Variants in COL28A1 observed in about 807,000 individuals in gnomAD.
COL28A1 encodes collagen type XXVIII alpha 1 chain, also known as collagen alpha-1(XXVIII) chain.
Under a neutral mutation model 150.2 loss-of-function variants are expected in COL28A1, and 161 were observed. That is an observed-to-expected ratio of 1.07 (90% CI 0.94 to 1.22). COL28A1 has a LOEUF of 1.22. Among genes scored for constraint, COL28A1 ranks in the 50% most tolerant of loss-of-function variants. COL28A1 has a pLI of 0.00. For synonymous variants in COL28A1, 552 were observed against 469.7 expected (o/e 1.18, Z -2.26); for missense variants, 1,617 against 1,388.3 (o/e 1.16, Z -2.62).
At chr7:7,542,253 C>T in the COL28A1 span, among the ~76,000 whole-genome samples, 5 of 152,170 alleles carry the variant, frequency 3.3e-5, no homozygotes, top group Non-Finnish European at 7.3e-5. Flanking sequence ...GAGGCTGAGG[C>T]AGGAGAATTG....
At chr7:7,346,033 T>C in the COL28A1 span, among the ~76,000 whole-genome samples, 6 of 152,048 alleles carry the variant, frequency 3.9e-5, no homozygotes, top group African/African-American at 7.2e-5. Context: ...CCTCATTTCA[T>C]GTGATCCTGA....
chr7:7,506,013 C>T lies in COL28A1; in HGVS notation c.1026+1G>A, dbSNP rs201507370. On this transcript the variant is annotated splice_donor_variant, in intron 11 of 34. Coordinates refer to ENST00000399429, the MANE Select transcript of COL28A1 (RefSeq NM_001037763.3). LOFTEE classifies it high-confidence loss of function. ...TGTCTTTAATCAAAGGGTAAGATTA[C>T]CTTATTGCCTTGAAACCCCTTTGGG... is the stretch of plus-strand genomic sequence containing the variant. 1 of 1,321,372 alleles carries T rather than the reference C, an allele frequency of 7.6e-7. No individual in the cohort carries two copies. The highest frequency in any genetic ancestry group is 1.1e-6 in the Non-Finnish European group (1 of 912,498). 81.9% of individuals were successfully genotyped at this position (1,321,372 alleles called of 1,614,324 possible). A position where few individuals can be genotyped will look rare whatever the true frequency, so the allele number is the denominator to read the frequency against.
chr7:7,482,450 G>A (rs1381503903), intron 13 of COL28A1, among the ~76,000 whole-genome samples: 2 of 151,738 alleles, frequency 1.3e-5, no homozygotes, highest in Non-Finnish European at 2.9e-5. Context: ...GCTTGAAGCC[G>A]GGAGGTGGAG....
chr7:7,443,486 T>C (rs946619464), intron 20 of COL28A1, 99 bp downstream of exon 20: 34 of 1,545,164 alleles, frequency 2.2e-5, no homozygotes, highest in African/African-American at 2.7e-5. Context: ...CATAAACACA[T>C]TGACATAGTA....
intron 25 of COL28A1, among the ~76,000 whole-genome samples, chr7:7,422,076 A>G (rs1784410873): frequency 1.3e-5 from 2 of 152,182 alleles, no homozygotes; most frequent in Admixed American, 6.5e-5. Flanking sequence ...CACTGCCTGA[A>G]GTTCTCCAAC....
At chr7:7,416,672 T>G (rs2128306608) in intron 27 of COL28A1, among the ~76,000 whole-genome samples, 1 of 152,352 alleles carries the variant, frequency 6.6e-6, no homozygotes, top group African/African-American at 2.4e-5. Context: ...ATTTGGCCTT[T>G]GCTTAGATAC....
the COL28A1 span, among the ~76,000 whole-genome samples, chr7:7,339,096 A>AC: frequency 6.6e-6 from 1 of 152,156 alleles, no homozygotes; most frequent in East Asian, 1.9e-4. Flanking sequence ...TGACAGAAAC[A>AC]ACCAACTCAT....
intron 11 of COL28A1, among the ~76,000 whole-genome samples, chr7:7,494,137 A>G (rs1309159104): frequency 6.6e-6 from 1 of 152,214 alleles, no homozygotes; most frequent in African/African-American, 2.4e-5. Flanking sequence ...CACCCATACT[A>G]TGGGCTTCAA....
rs1392327818 is a variant in COL28A1, at chr7:7,436,323, C to G, written c.1860+72G>C. The stretch of plus-strand genomic sequence containing the variant: ...GTAGAAACCTCACAAGTAGAAAAAT[C>G]AACTTATGCATTAAATCTACCTTCA... On this transcript the variant is annotated intron_variant, in intron 23 of 34. Coordinates refer to ENST00000399429, the MANE Select transcript of COL28A1 (RefSeq NM_001037763.3). 4 of 852,320 alleles carry G rather than the reference C, an allele frequency of 4.7e-6. No homozygotes were observed. The African/African-American group carries it at 6.7e-5, about 14-fold the overall frequency. 52.8% of individuals were successfully genotyped at this position (852,320 alleles called of 1,614,324 possible).
intron 11 of COL28A1, among the ~76,000 whole-genome samples, chr7:7,496,544 A>G (rs1010969598): frequency 6.7e-6 from 1 of 149,604 alleles, no homozygotes; most frequent in African/African-American, 2.4e-5. Flanking sequence ...ACCCAGACAC[A>G]ATTAATCTTT....
In COL28A1 at chr7:7,489,415, T is replaced by C; in HGVS notation, c.1138A>G (p.Ile380Val). The change falls in exon 13 of 35, where the codon ATT (isoleucine) becomes GTT (valine). Residue 380 changes from isoleucine (I) to valine (V), a missense_variant. By Grantham distance (29) the Ile-to-Val change is conservative. Transcript: ENST00000399429. ...GGCTGTCCAGGCTCACCAACTCCAA[T>C]GGGTCCTGGAGCTCCCGGTCTTCCT... ...QEGRPGAPGP[I>V]GVGEPGQPGP... The C allele has an allele frequency of 6.8e-7, 1 of 1,464,018 alleles. No homozygotes were observed. Among genetic ancestry groups the C allele is most frequent in the Non-Finnish European group, 9.6e-7 (1 of 1,042,782 alleles). 90.7% of individuals were successfully genotyped at this position (1,464,018 alleles called of 1,614,324 possible). A position where few individuals can be genotyped will look rare whatever the true frequency, so the allele number is the denominator to read the frequency against.
At chr7:7,480,035 T>C (rs6463695) in intron 13 of COL28A1, among the ~76,000 whole-genome samples, 60,719 of 152,054 alleles carry the variant, frequency 0.4, 15,441 homozygotes, top group African/African-American at 0.73. Flanking sequence ...CCAACTTTCC[T>C]GCAAGTTCCT....
intron 25 of COL28A1, among the ~76,000 whole-genome samples, chr7:7,432,002 G>C (rs1785010103): frequency 2.0e-5 from 3 of 152,168 alleles, no homozygotes; most frequent in African/African-American, 7.2e-5. Flanking sequence ...AAAAATCAAG[G>C]ATCTTATTTT....
chr7:7,399,830 G>A (rs925358734), intron 27 of COL28A1, among the ~76,000 whole-genome samples: 1 of 152,148 alleles, frequency 6.6e-6, no homozygotes, highest in African/African-American at 2.4e-5. Context: ...GGGAGTAACC[G>A]CAAGTTAGAA....
At chr7:7,490,672 T>A (rs370125471) in intron 11 of COL28A1, 26 bp from the exon 12 acceptor site, 4 of 980,910 alleles carry the variant, frequency 4.1e-6, no homozygotes, top group African/African-American at 1.6e-5. Flanking sequence ...GTGACATCAG[T>A]TATATGTTAG....
At chr7:7,540,415 C>A (rs1782764106), upstream of COL28A1, among the ~76,000 whole-genome samples, 1 of 152,154 alleles carries the variant, frequency 6.6e-6, no homozygotes, top group Non-Finnish European at 1.5e-5. Flanking sequence ...TGGGGACAAA[C>A]AATAGTGTTA....
At chr7:7,366,883 A>G (rs1780958844) in intron 33 of COL28A1, among the ~76,000 whole-genome samples, 1 of 152,250 alleles carries the variant, frequency 6.6e-6, no homozygotes, top group Non-Finnish European at 1.5e-5. Flanking sequence ...ATGTTTGGAT[A>G]CTGTAATTAT....
chr7:7,383,682 GTATATA>G (rs772285848), intron 27 of COL28A1, among the ~76,000 whole-genome samples: 1 of 124,092 alleles, frequency 8.1e-6, no homozygotes. Flanking sequence ...GTGTGTGTGT[GTATATA>G]TATATATATA....
intron 13 of COL28A1, among the ~76,000 whole-genome samples, chr7:7,477,675 G>A (rs1789016152): frequency 6.6e-6 from 1 of 152,340 alleles, no homozygotes; most frequent in Middle Eastern, 3.4e-3. Context: ...GACCTTCGCA[G>A]TGAATGTTAC....
Sources: gnomAD v4.1 joint callset for allele counts (sites outside exome capture counted in the v4.1 genomes callset) on GRCh38, gnomAD v4.1.1 for gene constraint, MANE v1.5 for transcripts, NCBI Gene and HGNC (gene_info 2026-07-23, HGNC 2026-07-21) for gene names.